Variants in DOCK4 observed in about 807,000 individuals in gnomAD.
DOCK4 encodes dedicator of cytokinesis protein 4.
In DOCK4, 97 loss-of-function variants were observed where a neutral mutation model predicts 268.1. That is an observed-to-expected ratio of 0.36 (90% CI 0.31 to 0.43). The LOEUF is 0.43. Ranked by LOEUF, DOCK4 falls within the 20% of genes least tolerant of loss-of-function variation. DOCK4 has a pLI of 1.00. For missense variants in DOCK4, 2,145 were observed against 2,455.7 expected, an observed-to-expected ratio of 0.87 and a Z score of 2.67; for synonymous variants, 954 against 887.2, an observed-to-expected ratio of 1.08 and a Z score of -1.34.
At chr7:111,887,770 A>AAAG (rs1172898286) in intron 16 of DOCK4, among the ~76,000 whole-genome samples, 1 of 151,660 alleles carries the variant, frequency 6.6e-6, no homozygotes, top group East Asian at 1.9e-4. Flanking sequence ...AAATTATTAA[A>AAAG]AAAAAAAGGC....
chr7:112,158,167 C>T (rs1198534708), intron 1 of DOCK4, among the ~76,000 whole-genome samples: 1 of 152,142 alleles, frequency 6.6e-6, no homozygotes, highest in Non-Finnish European at 1.5e-5. Context: ...AGCTGCACCT[C>T]CACATTCTCA....
chr7:112,063,696 G>A (rs575061063), intron 1 of DOCK4, among the ~76,000 whole-genome samples: 1 of 152,276 alleles, frequency 6.6e-6, no homozygotes, highest in Admixed American at 6.5e-5. Context: ...TTACTGATGG[G>A]ACTCAAGATT....
At chr7:112,117,632 A>AGT (rs1812305544) in intron 1 of DOCK4, among the ~76,000 whole-genome samples, 1 of 152,202 alleles carries the variant, frequency 6.6e-6, no homozygotes, top group African/African-American at 2.4e-5. Flanking sequence ...TGGCCTCCCA[A>AGT]AGTGCTGGGA....
intron 1 of DOCK4, among the ~76,000 whole-genome samples, chr7:112,171,379 T>A (rs761889970): frequency 6.6e-6 from 1 of 152,230 alleles, no homozygotes; most frequent in African/African-American, 2.4e-5. Flanking sequence ...CATATTTTTT[T>A]TCATTAAATA....
intron 1 of DOCK4, among the ~76,000 whole-genome samples, chr7:112,009,072 A>C (rs918767846): frequency 2.6e-5 from 4 of 152,228 alleles, no homozygotes; most frequent in African/African-American, 9.6e-5. Context: ...ATTCTTCCTC[A>C]TCATTGTCAA....
chr7:111,773,433 A>G (rs1436770932), intron 36 of DOCK4, among the ~76,000 whole-genome samples: 1 of 152,230 alleles, frequency 6.6e-6, no homozygotes, highest in Non-Finnish European at 1.5e-5. Context: ...TTTGAAATAT[A>G]ATCAGACAAA....
At chr7:111,811,477 A>AT (rs1241934094) in intron 28 of DOCK4, among the ~76,000 whole-genome samples, 1 of 152,100 alleles carries the variant, frequency 6.6e-6, no homozygotes, top group Admixed American at 6.6e-5. Context: ...CCAATGTTTC[A>AT]TTTTTTTCTT....
intron 8 of DOCK4, among the ~76,000 whole-genome samples, chr7:111,955,884 G>A (rs1055895950): frequency 2.0e-5 from 3 of 152,124 alleles, no homozygotes; most frequent in Non-Finnish European, 2.9e-5. Context: ...CTTGAAGTTC[G>A]TTTCAAGTAA....
At chr7:111,981,382 G>A (rs778649842) in intron 7 of DOCK4, among the ~76,000 whole-genome samples, 6 of 152,120 alleles carry the variant, frequency 3.9e-5, no homozygotes, top group Admixed American at 6.6e-5. Flanking sequence ...GATACAAACA[G>A]AAACTTGAAA....
intron 41 of DOCK4, among the ~76,000 whole-genome samples, chr7:111,757,546 T>C (rs1174075362): frequency 6.6e-6 from 1 of 152,230 alleles, no homozygotes; most frequent in Non-Finnish European, 1.5e-5. Flanking sequence ...ATGGATCTTT[T>C]TAATACTATC....
At chr7:111,905,655 T>C (rs1294791688) in intron 13 of DOCK4, among the ~76,000 whole-genome samples, 1 of 151,200 alleles carries the variant, frequency 6.6e-6, no homozygotes, top group Admixed American at 6.6e-5. Context: ...TCCCAGCGGC[T>C]TTATCTATTT....
chr7:111,874,525 T>C (rs1376780377), intron 17 of DOCK4, among the ~76,000 whole-genome samples: 1 of 152,232 alleles, frequency 6.6e-6, no homozygotes, highest in Non-Finnish European at 1.5e-5. Flanking sequence ...TCCATCTGGA[T>C]GTAATTAATC....
chr7:111,821,128 A>G (rs1801942880), intron 27 of DOCK4: 1 of 152,256 alleles, frequency 6.6e-6, no homozygotes. Flanking sequence ...AGTTTTTAAC[A>G]CATCATTTTA....
chr7:111,915,773 A>T lies in DOCK4; in HGVS notation c.1192+6T>A, dbSNP rs1792528808. 4 of 1,612,590 alleles carry T rather than the reference A, an allele frequency of 2.5e-6. No homozygotes were observed. Among genetic ancestry groups the T allele is most frequent in the Admixed American group, 1.7e-5 (1 of 59,824 alleles). ...TCATCATATCGGTACGTCCCAAGTC[A>T]CCTACCAGGCATAATAATATTTGAA... On this transcript the variant is annotated splice_donor_region_variant and intron_variant, in intron 13 of 52. Coordinates refer to ENST00000428084, the MANE Select transcript of DOCK4 (RefSeq NM_001363540.2).
At chr7:111,936,893 T>C (rs933779662) in intron 11 of DOCK4, among the ~76,000 whole-genome samples, 2 of 152,198 alleles carry the variant, frequency 1.3e-5, no homozygotes, top group African/African-American at 4.8e-5. Context: ...GTGGGATATC[T>C]AAATGAGCGC....
At chr7:111,751,326 T>A (rs1796630633) in intron 42 of DOCK4, among the ~76,000 whole-genome samples, 1 of 151,960 alleles carries the variant, frequency 6.6e-6, no homozygotes, top group Non-Finnish European at 1.5e-5. Context: ...AATAAAAAAA[T>A]AAGGAAAGTG....
At chr7:112,093,336 C>T (rs953338817) in intron 1 of DOCK4, among the ~76,000 whole-genome samples, 2 of 152,014 alleles carry the variant, frequency 1.3e-5, no homozygotes, top group Admixed American at 6.6e-5. Flanking sequence ...GGGCAATTAA[C>T]GGTTTTAAAT....
chr7:111,970,072 C>T (rs572082373), intron 8 of DOCK4, among the ~76,000 whole-genome samples: 44 of 152,272 alleles, frequency 2.9e-4, no homozygotes, highest in African/African-American at 1.1e-3. Context: ...CTGGATCTTT[C>T]CTGTCAATTC....
intron 15 of DOCK4, among the ~76,000 whole-genome samples, 179 bp from the exon 16 acceptor site, chr7:111,895,897 G>C (rs1808707701): frequency 6.6e-6 from 1 of 152,022 alleles, no homozygotes; most frequent in Non-Finnish European, 1.5e-5. Context: ...CCCTCTTCCT[G>C]CCCCCTTATC....
Sources: allele counts gnomAD v4.1 joint callset (sites outside exome capture counted in the v4.1 genomes callset), GRCh38; gene constraint gnomAD v4.1.1; transcripts MANE v1.5; gene names NCBI Gene and HGNC (gene_info 2026-07-23, HGNC 2026-07-21).